CCDC201: variants seen among roughly 807,000 people sequenced by gnomAD.
CCDC201 encodes the protein coiled-coil domain-containing protein 201.
At chr7:45,878,234 G>A in the CCDC201 span, among the ~76,000 whole-genome samples, 1 of 152,172 alleles carries the variant, frequency 6.6e-6, no homozygotes, top group East Asian at 1.9e-4. Context: ...GCTTTTCCAG[G>A]TGCACAGTGC....
chr7:45,884,502 A>T, the CCDC201 span, among the ~76,000 whole-genome samples: 1 of 152,120 alleles, frequency 6.6e-6, no homozygotes, highest in Non-Finnish European at 1.5e-5. Flanking sequence ...CACAGCCTCC[A>T]GGCCTCTTTG....
chr7:45,864,514 G>A (rs549044803), intron 2 of CCDC201, among the ~76,000 whole-genome samples: 1 of 152,272 alleles, frequency 6.6e-6, no homozygotes, highest in African/African-American at 2.4e-5. Flanking sequence ...GTGACCCTTG[G>A]TGGACAGTTC....
the CCDC201 span, among the ~76,000 whole-genome samples, chr7:45,882,420 G>A: frequency 1.3e-5 from 2 of 152,224 alleles, no homozygotes; most frequent in Non-Finnish European, 2.9e-5. Flanking sequence ...GGGGCTTTAT[G>A]CAACATGCTA....
chr7:45,871,869 G>A (rs1194173000), intron 1 of CCDC201, among the ~76,000 whole-genome samples: 3 of 152,132 alleles, frequency 2.0e-5, no homozygotes, highest in Non-Finnish European at 4.4e-5. Context: ...CAAAAATTTA[G>A]AAGTATGAAA....
chr7:45,878,364 C>T, the CCDC201 span, among the ~76,000 whole-genome samples: 1 of 152,244 alleles, frequency 6.6e-6, no homozygotes, highest in Non-Finnish European at 1.5e-5. Context: ...CATTTCACTT[C>T]CACACTGCCC....
intron 1 of CCDC201, among the ~76,000 whole-genome samples, chr7:45,869,201 G>C (rs1255650477): frequency 2.0e-5 from 3 of 151,924 alleles, no homozygotes; most frequent in Non-Finnish European, 4.4e-5. Context: ...GAAGAGGTTT[G>C]AAAAAAAATG....
At chr7:45,866,793 G>A (rs1199885240) in intron 1 of CCDC201, among the ~76,000 whole-genome samples, 1 of 152,184 alleles carries the variant, frequency 6.6e-6, no homozygotes, top group African/African-American at 2.4e-5. Context: ...TTGAAGCATA[G>A]ATAACATTCA....
upstream of CCDC201, among the ~76,000 whole-genome samples, chr7:45,873,813 A>G (rs1182752847): frequency 1.3e-5 from 2 of 152,184 alleles, no homozygotes; most frequent in Non-Finnish European, 2.9e-5. Context: ...GCTAGTAACG[A>G]CTAGAATGAT....
At chr7:45,866,494 C>T (rs1373000183) in exon 2 of CCDC201, 1 of 152,146 alleles carries the variant, frequency 6.6e-6, no homozygotes, top group African/African-American at 2.4e-5. Context: ...AATCCTAGAT[C>T]CTGCAAAGTA....
At chr7:45,860,691 C>T (rs1215303642) in exon 3 of CCDC201, 4 of 152,196 alleles carry the variant, frequency 2.6e-5, no homozygotes, top group African/African-American at 4.8e-5. Flanking sequence ...AGTTTCTCAT[C>T]GTCTCCTGTC....
chr7:45,881,136 T>C, the CCDC201 span, among the ~76,000 whole-genome samples: 1 of 152,174 alleles, frequency 6.6e-6, no homozygotes, highest in Non-Finnish European at 1.5e-5. Context: ...TGTCATCTTC[T>C]ACCAAATCAT....
intron 1 of CCDC201, 103 bp downstream of exon 1, chr7:45,872,887 C>T (rs1786757447): frequency 6.5e-6 from 1 of 152,936 alleles, no homozygotes; most frequent in Non-Finnish European, 1.5e-5. Context: ...CTCAACCAAC[C>T]TCTTGCTCGG....
intron 1 of CCDC201, among the ~76,000 whole-genome samples, chr7:45,870,728 T>G (rs562135324): frequency 6.6e-6 from 1 of 152,300 alleles, no homozygotes; most frequent in African/African-American, 2.4e-5. Context: ...TAACTGAGAC[T>G]GATTCACCTT....
upstream of CCDC201, among the ~76,000 whole-genome samples, chr7:45,875,993 AC>A (rs1786795951): frequency 6.6e-6 from 1 of 152,154 alleles, no homozygotes; most frequent in Non-Finnish European, 1.5e-5. Context: ...ATTCCCCTGA[AC>A]CTGTGAATCT....
chr7:45,878,300 C>A, the CCDC201 span, among the ~76,000 whole-genome samples: 1 of 152,332 alleles, frequency 6.6e-6, no homozygotes, highest in Admixed American at 6.5e-5. Context: ...CCTCTTCGCA[C>A]AGCTCTACTG....
intron 1 of CCDC201, among the ~76,000 whole-genome samples, chr7:45,867,822 G>A (rs1422037635): frequency 6.6e-6 from 1 of 152,180 alleles, no homozygotes; most frequent in Admixed American, 6.5e-5. Context: ...TACACAGAGA[G>A]GATTATCTGG....
intron 1 of CCDC201, 109 bp from the exon 2 acceptor site, chr7:45,866,603 G>A (rs1490678822): frequency 6.6e-6 from 1 of 152,240 alleles, no homozygotes; most frequent in African/African-American, 2.4e-5. Context: ...ATGGCCCCAT[G>A]AGGCAGACCT....
At chr7:45,871,771 A>G (rs1326403372) in intron 1 of CCDC201, among the ~76,000 whole-genome samples, 3 of 152,250 alleles carry the variant, frequency 2.0e-5, no homozygotes, top group Admixed American at 6.5e-5. Flanking sequence ...CTGGTCCTTC[A>G]GTATACACAT....
chr7:45,870,560 A>G (rs1004154629), intron 1 of CCDC201, among the ~76,000 whole-genome samples: 1 of 152,248 alleles, frequency 6.6e-6, no homozygotes, highest in Non-Finnish European at 1.5e-5. Flanking sequence ...GGTTGAATTT[A>G]TGGCAAAATA....
Sources: allele counts gnomAD v4.1 joint callset (sites outside exome capture counted in the v4.1 genomes callset), GRCh38; gene constraint gnomAD v4.1.1; transcripts MANE v1.5; gene names NCBI Gene and HGNC (gene_info 2026-07-23, HGNC 2026-07-21).